Variants in ZNF407 observed in about 807,000 individuals in gnomAD.
ZNF407 encodes zinc finger protein 407.
In ZNF407, 17 loss-of-function variants were observed where a neutral mutation model predicts 131.2. That is an observed-to-expected ratio of 0.13 (90% CI 0.09 to 0.19). The LOEUF (loss-of-function observed/expected upper bound fraction) is 0.19, where lower values mean the gene tolerates loss of function less well. ZNF407 is among the 10% of genes least tolerant of loss of function. The pLI is 1.00. For synonymous variants in ZNF407, 1,156 were observed against 1,062.0 expected, an observed-to-expected ratio of 1.09 and a Z score of -1.72; for missense variants, 2,681 against 2,830.6, an observed-to-expected ratio of 0.95 and a Z score of 1.20.
chr18:74,738,007 G>A (rs1968456786), intron 3 of ZNF407, among the ~76,000 whole-genome samples: 1 of 152,062 alleles, frequency 6.6e-6, no homozygotes, highest in African/African-American at 2.4e-5. Flanking sequence ...AGGATTTGAA[G>A]ATAAGTGTTA....
intron 8 of ZNF407, among the ~76,000 whole-genome samples, chr18:75,049,104 G>C (rs1365916966): frequency 6.8e-6 from 1 of 148,124 alleles, no homozygotes; most frequent in Non-Finnish European, 1.5e-5. Flanking sequence ...TTTTTGGGTG[G>C]GGGGGGGGTG....
intron 4 of ZNF407, among the ~76,000 whole-genome samples, chr18:74,811,784 A>G (rs528416803): frequency 6.6e-6 from 1 of 152,174 alleles, no homozygotes; most frequent in East Asian, 1.9e-4. Flanking sequence ...GCAAAAAACC[A>G]AACACCGCAT....
intron 3 of ZNF407, among the ~76,000 whole-genome samples, chr18:74,647,552 AT>A (rs199659553): frequency 3.3e-5 from 5 of 150,776 alleles, no homozygotes; most frequent in Non-Finnish European, 4.4e-5. Flanking sequence ...CCTGTTCCGT[AT>A]TTTTTTTTCT....
chr18:74,680,695 T>C (rs527572723), intron 3 of ZNF407, among the ~76,000 whole-genome samples: 47 of 152,288 alleles, frequency 3.1e-4, no homozygotes, highest in African/African-American at 1.1e-3. Context: ...ATTTTTCTTA[T>C]AATTTTGAAG....
At chr18:74,974,172 G>A (rs1454724585) in intron 8 of ZNF407, among the ~76,000 whole-genome samples, 2 of 152,058 alleles carry the variant, frequency 1.3e-5, no homozygotes, top group Non-Finnish European at 1.5e-5. Flanking sequence ...CTCCCACCTC[G>A]AATCCTGTGT....
intron 7 of ZNF407, among the ~76,000 whole-genome samples, chr18:74,918,408 C>G (rs1481364469): frequency 6.6e-6 from 1 of 152,168 alleles, no homozygotes; most frequent in African/African-American, 2.4e-5. Context: ...CAGTCTTGAC[C>G]TCAGAGGGTC....
At chr18:74,673,914 C>T (rs1274052875) in intron 3 of ZNF407, among the ~76,000 whole-genome samples, 3 of 152,094 alleles carry the variant, frequency 2.0e-5, no homozygotes, top group Non-Finnish European at 4.4e-5. Context: ...ATCATCAAAG[C>T]CCTCTGACCT....
At chr18:74,854,530 A>T (rs2145151102) in intron 4 of ZNF407, among the ~76,000 whole-genome samples, 1 of 152,348 alleles carries the variant, frequency 6.6e-6, no homozygotes, top group Admixed American at 6.5e-5. Flanking sequence ...TTGTCAAAGA[A>T]TGAAAAGTTT....
At chr18:74,749,136 T>C (rs778636602) in intron 3 of ZNF407, among the ~76,000 whole-genome samples, 4 of 152,144 alleles carry the variant, frequency 2.6e-5, no homozygotes, top group Admixed American at 6.5e-5. Context: ...CACAAAACTC[T>C]CATTTGTTAG....
chr18:74,813,310 T>C (rs1479714431), intron 4 of ZNF407, among the ~76,000 whole-genome samples: 1 of 152,144 alleles, frequency 6.6e-6, no homozygotes, highest in Non-Finnish European at 1.5e-5. Context: ...GAGGGCTCCT[T>C]GTGTTCTGGG....
In ZNF407 at chr18:74,641,884, C is replaced by T. The variant is rs558890623; in HGVS notation, c.4802+762C>T. On this transcript the variant is annotated intron_variant, in intron 3 of 8. Transcript: ENST00000299687. Reference sequence around the variant, plus strand: ...TTCTGATTAAAAGTCTATTTTAATGCTGTTATGCTAGAGAAATTAATAAGT... The same window carrying T: ...TTCTGATTAAAAGTCTATTTTAATGTTGTTATGCTAGAGAAATTAATAAGT... Among the ~76,000 whole-genome samples the T allele has an allele frequency of 2.6e-5, 4 of 152,194 alleles. No homozygotes were observed. The South Asian group carries it at 8.3e-4, about 32-fold the overall frequency.
At chr18:75,014,580 C>G (rs1973021310) in intron 8 of ZNF407, among the ~76,000 whole-genome samples, 1 of 152,074 alleles carries the variant, frequency 6.6e-6, no homozygotes, top group Admixed American at 6.6e-5. Context: ...TCTTGTCACC[C>G]TCGTAAGTGG....
chr18:74,717,542 C>T (rs1024440734), intron 3 of ZNF407, among the ~76,000 whole-genome samples: 4 of 152,234 alleles, frequency 2.6e-5, no homozygotes, highest in Non-Finnish European at 1.5e-5. Context: ...CAGTTTCTTT[C>T]GATAGCCATA....
intron 3 of ZNF407, among the ~76,000 whole-genome samples, chr18:74,756,897 T>C (rs935991639): frequency 6.6e-6 from 1 of 152,154 alleles, no homozygotes; most frequent in African/African-American, 2.4e-5. Context: ...ATGTTTATAG[T>C]ATTCATCTTT....
chr18:74,976,050 G>A lies in ZNF407; in HGVS notation c.5428+55358G>A, dbSNP rs902427873. On this transcript the variant is annotated intron_variant, in intron 8 of 8. Transcript: ENST00000299687. Reference sequence around the variant, plus strand: ...TCCCATGTAAATGTATAATCTGGTCGTAATATTTTCAGTTTATGCTGCTTT... The same window carrying A: ...TCCCATGTAAATGTATAATCTGGTCATAATATTTTCAGTTTATGCTGCTTT... Among the ~76,000 whole-genome samples the A allele has an allele frequency of 7.9e-5, 12 of 152,068 alleles. No homozygotes were observed. The East Asian group carries it at 1.2e-3, about 15-fold the overall frequency.
Position 74,910,230 on chromosome 18 carries a change from G to A in ZNF407, c.5250-10284G>A, listed in dbSNP as rs1263911133. Reference sequence around the variant, plus strand: ...TGATAGACACTTACGCATATGAAGAGTTTGAATAGTTTATAAACATGAGTT... The same window carrying A: ...TGATAGACACTTACGCATATGAAGAATTTGAATAGTTTATAAACATGAGTT... On this transcript the variant is annotated intron_variant, in intron 7 of 8. Coordinates refer to ENST00000299687, the MANE Select transcript of ZNF407 (RefSeq NM_017757.3). Among the ~76,000 whole-genome samples, 3 of 152,110 alleles carry A rather than the reference G, an allele frequency of 2.0e-5. No homozygotes were observed. In the East Asian group the frequency reaches 5.8e-4, roughly 29 times the overall value.
intron 8 of ZNF407, among the ~76,000 whole-genome samples, chr18:75,030,174 T>C (rs1055604582): frequency 7.9e-5 from 12 of 152,240 alleles, no homozygotes; most frequent in African/African-American, 2.9e-4. Flanking sequence ...TTTATTCATC[T>C]GCCTGAATTG....
At chr18:74,744,279 C>G (rs1239327399) in intron 3 of ZNF407, among the ~76,000 whole-genome samples, 3 of 152,186 alleles carry the variant, frequency 2.0e-5, no homozygotes, top group South Asian at 2.1e-4. Flanking sequence ...TTCCAGTGCT[C>G]TGTCATGAAG....
At chr18:74,888,433 A>G (rs186196543) in intron 6 of ZNF407, among the ~76,000 whole-genome samples, 17 of 152,312 alleles carry the variant, frequency 1.1e-4, no homozygotes, top group Non-Finnish European at 2.4e-4. Context: ...AAATCAATGT[A>G]ACATTATTAA....
Sources: allele counts gnomAD v4.1 joint callset (sites outside exome capture counted in the v4.1 genomes callset), GRCh38; gene constraint gnomAD v4.1.1; transcripts MANE v1.5; gene names NCBI Gene and HGNC (gene_info 2026-07-23, HGNC 2026-07-21).